Variants in CLK4 observed in about 807,000 individuals in gnomAD.
The protein encoded by CLK4 is dual specificity protein kinase CLK4.
In CLK4, 37 loss-of-function variants were observed where a neutral mutation model predicts 64.4. The observed-to-expected ratio is 0.57, with a 90% confidence interval of 0.44 to 0.76. The LOEUF (loss-of-function observed/expected upper bound fraction) is 0.76. Among genes scored for constraint, CLK4 ranks in the 30% least tolerant of loss-of-function variants. The pLI, the probability that CLK4 is intolerant of heterozygous loss-of-function variation, is 0.00. For missense variants in CLK4, 457 were observed against 605.1 expected (o/e 0.76, Z 2.57); for synonymous variants, 175 against 191.6 (o/e 0.91, Z 0.72).
intron 2 of CLK4, 72 bp downstream of exon 2, chr5:178,623,184 G>T: frequency 7.4e-7 from 1 of 1,350,206 alleles, no homozygotes; most frequent in Non-Finnish European, 1.0e-6. Flanking sequence ...ACAGATGAAA[G>T]CTATATAAGC....
chr5:178,626,859 C>T (rs1764790017), intron 1 of CLK4, 87 bp downstream of exon 1: 1 of 152,772 alleles, frequency 6.5e-6, no homozygotes, highest in African/African-American at 2.4e-5. Flanking sequence ...AGCCCAGGCC[C>T]CTAACGCGGT....
Position 178,612,532 on chromosome 5 carries a change from C to T in CLK4, c.935G>A (p.Arg312His). The T allele has an allele frequency of 1.9e-6, 3 of 1,613,688 alleles. No individual in the cohort carries two copies. The highest frequency in any genetic ancestry group is 8.5e-7 in the Non-Finnish European group (1 of 1,179,808). The stretch of plus-strand genomic sequence containing the variant: ...TTTGATATCTGTGTTTTTCAGTGTG[C>T]GTTCATCACGTTTCTAGAGAGACAC... ...KYNSKMKRDE[R>H]TLKNTDIKVV... Residue 312 changes from arginine (R) to histidine (H), a missense_variant, in exon 9 of 13, where the codon CGC becomes CAC. Arg to His is a conservative substitution (Grantham distance 29, BLOSUM62 0). Coordinates refer to ENST00000316308, the MANE Select transcript of CLK4 (RefSeq NM_020666.3).
chr5:178,619,854 C>T, intron 2 of CLK4: 1 of 1,209,562 alleles, frequency 8.3e-7, no homozygotes, highest in Non-Finnish European at 1.1e-6. Flanking sequence ...TGAGTGTCCT[C>T]TTCAACAGAG....
At chr5:178,625,414 C>A (rs998473858) in intron 1 of CLK4, among the ~76,000 whole-genome samples, 2 of 116,266 alleles carry the variant, frequency 1.7e-5, no homozygotes, top group African/African-American at 3.5e-5. Context: ...GACAGTGAGA[C>A]CCTGTCTCAA....
At chr5:178,626,694 G>A (rs897398935) in intron 1 of CLK4, among the ~76,000 whole-genome samples, 3 of 144,222 alleles carry the variant, frequency 2.1e-5, no homozygotes, top group African/African-American at 8.4e-5. Flanking sequence ...AGGCAGCAGG[G>A]GACCGCGAGC....
intron 2 of CLK4, chr5:178,621,821 G>T (rs1317967930): frequency 7.9e-6 from 1 of 127,370 alleles, no homozygotes; most frequent in Non-Finnish European, 1.9e-5. Flanking sequence ...TAGAAACAAA[G>T]ATTTTTTTTT....
rs1764405499 is a variant in CLK4 at position 178,602,686 on chromosome 5, C to T, written c.*931G>A. 1 of 152,220 alleles carries T rather than the reference C, an allele frequency of 6.6e-6. No homozygotes were observed. Among genetic ancestry groups the T allele is most frequent in the Admixed American group, 6.5e-5 (1 of 15,288 alleles). The allele number at this position is 152,220 out of a possible 1,614,324, so 9.4% of individuals were successfully genotyped here. ...CGCTGAAGTCAAAAAGTTTATGTAA[C>T]CAATCAATTAAATTCTGGAAATTTC... is the stretch of plus-strand genomic sequence containing the variant. On this transcript the variant is annotated 3_prime_UTR_variant, in exon 13 of 13. Coordinates refer to ENST00000316308, the MANE Select transcript of CLK4 (RefSeq NM_020666.3).
At chr5:178,615,458 C>G (rs914912270) in intron 5 of CLK4, among the ~76,000 whole-genome samples, 4 of 152,076 alleles carry the variant, frequency 2.6e-5, no homozygotes, top group Admixed American at 6.6e-5. Flanking sequence ...TTTCAAAATA[C>G]TTTAAAGTTC....
Position 178,623,397 on chromosome 5 carries a change from G to A in CLK4, c.20C>T (p.Thr7Ile), listed in dbSNP as rs758605734. The A allele has an allele frequency of 1.2e-6, 2 of 1,611,150 alleles. No individual in the cohort carries two copies. The highest frequency in any genetic ancestry group is 1.7e-6 in the Non-Finnish European group (2 of 1,179,160). ...TCTGCTATCCCAATCAGGACAGTGA[G>A]TTCTTTTGGAATGCCGCATCTGTTG... MRHSKR[T>I]HCPDWDSRES... Residue 7 changes from threonine to isoleucine, a missense_variant, in exon 2 of 13, where the codon ACT becomes ATT. Thr to Ile is a moderately conservative substitution (Grantham distance 89). Transcript: ENST00000316308.
In CLK4 at chr5:178,617,464, C is replaced by T. The variant is rs1455229664; in HGVS notation, c.385-30G>A. ...AACGGCAAGTGGGCAGCACCAAGAT[C>T]GTCCAGCCAATCAATATATCAGAGT... On this transcript the variant is annotated intron_variant, in intron 3 of 12. Transcript: ENST00000316308. The surrounding 1 kb of genome is among the most constrained non-coding windows in gnomAD (Gnocchi z 5.2). 6.4e-7 allele frequency: 1 copy of T among 1,556,604 alleles called. No homozygotes were observed. Among genetic ancestry groups the T allele is most frequent in the Non-Finnish European group, 8.9e-7 (1 of 1,128,688 alleles).
intron 7 of CLK4, 101 bp downstream of exon 7, chr5:178,613,372 G>A (rs1764584258): frequency 1.3e-6 from 1 of 777,770 alleles, no homozygotes; most frequent in African/African-American, 1.8e-5. Flanking sequence ...TGGGACCCGA[G>A]AGCGCCACTG....
At chr5:178,609,958 T>C (rs915089296) in intron 9 of CLK4, among the ~76,000 whole-genome samples, 13 of 151,786 alleles carry the variant, frequency 8.6e-5, no homozygotes, top group African/African-American at 2.4e-4. Context: ...TATTAACACA[T>C]ACAAAATCCG....
rs1298017456 is a variant in CLK4, at chr5:178,602,873, C to G, written c.*744G>C. On this transcript the variant is annotated 3_prime_UTR_variant, in exon 13 of 13. Coordinates refer to ENST00000316308, the MANE Select transcript of CLK4 (RefSeq NM_020666.3). ...TGGCCAATGTTAAGACTCCTAAGGA[C>G]TTGGTATTAAAAACTGAAACCTCTC... is the stretch of plus-strand genomic sequence containing the variant. 6.6e-5 allele frequency: 10 copies of G among 152,186 alleles called. No individual in the cohort carries two copies. In the South Asian group the frequency reaches 1.9e-3, roughly 28 times the overall value. The allele number at this position is 152,186 out of a possible 1,614,324, so 9.4% of individuals were successfully genotyped here.
intron 2 of CLK4, chr5:178,621,981 A>G (rs1383646646): frequency 6.6e-6 from 1 of 152,210 alleles, no homozygotes; most frequent in Non-Finnish European, 1.5e-5. Flanking sequence ...GGATCATGGT[A>G]AACGCTGACC....
intron 5 of CLK4, among the ~76,000 whole-genome samples, chr5:178,616,125 C>T (rs929051729): frequency 4.0e-5 from 6 of 151,840 alleles, no homozygotes; most frequent in East Asian, 1.9e-4. Flanking sequence ...GATTTTCACT[C>T]GTTGCCTAGG....
At chr5:178,623,136 TA>T in intron 2 of CLK4, 119 bp downstream of exon 2, 1 of 1,006,230 alleles carries the variant, frequency 9.9e-7, no homozygotes, top group Non-Finnish European at 1.5e-6. Flanking sequence ...AAATATTTTC[TA>T]AACGAATATT....
At chr5:178,610,370 G>A (rs1764539922) in intron 9 of CLK4, among the ~76,000 whole-genome samples, 1 of 152,014 alleles carries the variant, frequency 6.6e-6, no homozygotes, top group Admixed American at 6.6e-5. Context: ...ATCTTCTGCA[G>A]TACACCATTC....
At chr5:178,608,345 A>T (rs1157361466) in intron 10 of CLK4, 31 bp downstream of exon 10, 6 of 1,456,998 alleles carry the variant, frequency 4.1e-6, no homozygotes, top group Non-Finnish European at 5.6e-6. Flanking sequence ...ATTTGTTATG[A>T]ATTATTAAAT....
intron 9 of CLK4, among the ~76,000 whole-genome samples, chr5:178,611,138 A>T (rs1764551358): frequency 6.6e-6 from 1 of 152,098 alleles, no homozygotes; most frequent in African/African-American, 2.4e-5. Context: ...AGCACACTGT[A>T]CGATGCACCA....
Sources: gnomAD v4.1 joint callset for allele counts (sites outside exome capture counted in the v4.1 genomes callset) on GRCh38, gnomAD v4.1.1 for gene constraint, Gnocchi (gnomAD v3.1) non-coding constraint, MANE v1.5 for transcripts, NCBI Gene and HGNC (gene_info 2026-07-23, HGNC 2026-07-21) for gene names.